ARHGAP10: variants seen among roughly 807,000 people sequenced by gnomAD.
ARHGAP10 encodes Rho GTPase activating protein 10.
Under a neutral mutation model 108.6 loss-of-function variants are expected in ARHGAP10, and 87 were observed. The observed-to-expected ratio is 0.80, with a 90% CI of 0.67 to 0.96. The LOEUF is 0.96. Ranked by LOEUF, ARHGAP10 falls within the 40% of genes least tolerant of loss-of-function variation. The pLI, the probability that ARHGAP10 is intolerant of heterozygous loss-of-function variation, is 0.00. For synonymous variants in ARHGAP10, 347 were observed against 341.1 expected (o/e 1.02, Z -0.19); for missense variants, 939 against 954.5 (o/e 0.98, Z 0.21).
intron 4 of ARHGAP10, among the ~76,000 whole-genome samples, chr4:147,850,559 A>G (rs979241947): frequency 6.6e-5 from 10 of 152,074 alleles, no homozygotes; most frequent in Non-Finnish European, 1.2e-4. Context: ...CTGCGGCTTC[A>G]CTCCTAAGTC....
chr4:147,738,168 T>C (rs1020950622), intron 1 of ARHGAP10, among the ~76,000 whole-genome samples: 2 of 152,176 alleles, frequency 1.3e-5, no homozygotes, highest in African/African-American at 4.8e-5. Flanking sequence ...CTAGCCTGGC[T>C]GGGTTCATAC....
intron 4 of ARHGAP10, among the ~76,000 whole-genome samples, chr4:147,850,919 A>G (rs1183918459): frequency 1.3e-5 from 2 of 152,242 alleles, no homozygotes; most frequent in Non-Finnish European, 2.9e-5. Context: ...TGAACAACTT[A>G]GGGGCCAAGT....
At position 147,732,300 on chromosome 4, in the gene ARHGAP10, T is replaced by A; in HGVS notation, c.-2T>A. The A allele has an allele frequency of 6.2e-7, 1 of 1,607,430 alleles. No individual in the cohort carries two copies. The highest frequency in any genetic ancestry group is 1.1e-5 in the South Asian group (1 of 90,512). The stretch of plus-strand genomic sequence containing the variant: ...GCGCACCGCGCAGCGACCGCTGCCG[T>A]CATGGGGCTGCAGCCCCTGGAGTTC... On this transcript the variant is annotated 5_prime_UTR_variant, in exon 1 of 23. Transcript: ENST00000336498.
chr4:148,008,903 C>T (rs758554915), intron 18 of ARHGAP10, among the ~76,000 whole-genome samples: 39 of 152,014 alleles, frequency 2.6e-4, no homozygotes, highest in Admixed American at 7.2e-4. Flanking sequence ...ACTGTTAAGT[C>T]GGACGTTAAA....
At chr4:148,028,565 GTAGTATTCTT>G (rs1727986865) in intron 19 of ARHGAP10, among the ~76,000 whole-genome samples, 1 of 152,198 alleles carries the variant, frequency 6.6e-6, no homozygotes, top group African/African-American at 2.4e-5. Flanking sequence ...CTGCTGTAGG[GTAGTATTCTT>G]AAAGCCAGGG....
chr4:147,964,616 C>G (rs764716347), intron 16 of ARHGAP10, among the ~76,000 whole-genome samples: 1 of 152,204 alleles, frequency 6.6e-6, no homozygotes, highest in Non-Finnish European at 1.5e-5. Flanking sequence ...CCTGTTCAAC[C>G]TGTAACATGC....
chr4:147,938,277 T>G (rs2126959530), intron 13 of ARHGAP10, among the ~76,000 whole-genome samples: 1 of 152,254 alleles, frequency 6.6e-6, no homozygotes, highest in Non-Finnish European at 1.5e-5. Context: ...GCTTAGTACC[T>G]GGGTGATGAA....
intron 13 of ARHGAP10, among the ~76,000 whole-genome samples, chr4:147,919,765 G>A (rs1737158334): frequency 6.6e-6 from 1 of 151,974 alleles, no homozygotes; most frequent in Non-Finnish European, 1.5e-5. Context: ...ATTTTTAGTA[G>A]AGGTGGTGTT....
intron 1 of ARHGAP10, among the ~76,000 whole-genome samples, chr4:147,807,691 T>G (rs1453722848): frequency 1.3e-5 from 2 of 152,222 alleles, no homozygotes; most frequent in Non-Finnish European, 2.9e-5. Flanking sequence ...AAATAAAGAC[T>G]GTATATCAAT....
intron 12 of ARHGAP10, among the ~76,000 whole-genome samples, chr4:147,912,588 T>G (rs370204680): frequency 0.012 from 750 of 60,554 alleles, 43 homozygotes; most frequent in Middle Eastern, 0.035. Flanking sequence ...TATATATATA[T>G]ATATATATAT....
chr4:147,770,910 C>T (rs978391958), intron 1 of ARHGAP10, among the ~76,000 whole-genome samples: 2 of 152,148 alleles, frequency 1.3e-5, no homozygotes, highest in African/African-American at 4.8e-5. Flanking sequence ...GGATTGGTTT[C>T]CTCTGAGGCA....
intron 7 of ARHGAP10, among the ~76,000 whole-genome samples, chr4:147,867,212 A>C (rs998008563): frequency 2.6e-5 from 4 of 152,122 alleles, no homozygotes; most frequent in Non-Finnish European, 5.9e-5. Context: ...TCTTCCCTAC[A>C]TTTTATGCAT....
chr4:147,903,351 T>C (rs989138632), intron 10 of ARHGAP10, among the ~76,000 whole-genome samples: 1 of 152,170 alleles, frequency 6.6e-6, no homozygotes, highest in African/African-American at 2.4e-5. Context: ...AAGAGGAAGA[T>C]AGAGATTTTC....
At chr4:147,776,411 G>C (rs1730292690) in intron 1 of ARHGAP10, among the ~76,000 whole-genome samples, 1 of 152,082 alleles carries the variant, frequency 6.6e-6, no homozygotes, top group South Asian at 2.1e-4. Flanking sequence ...GTAGAGATGT[G>C]GTTTTACCAT....
intron 4 of ARHGAP10, chr4:147,854,629 A>G: frequency 2.2e-6 from 2 of 889,646 alleles, no homozygotes; most frequent in Non-Finnish European, 2.7e-6. Context: ...TCCATTCTTT[A>G]TTGAATGCTA....
chr4:148,001,388 G>T (rs1442224638), intron 18 of ARHGAP10, among the ~76,000 whole-genome samples: 1 of 152,124 alleles, frequency 6.6e-6, no homozygotes, highest in Non-Finnish European at 1.5e-5. Context: ...GATTGTCTTG[G>T]CAATGCGGGC....
intron 18 of ARHGAP10, among the ~76,000 whole-genome samples, chr4:147,977,428 A>C (rs2149624089): frequency 6.6e-6 from 1 of 152,250 alleles, no homozygotes; most frequent in South Asian, 2.1e-4. Context: ...TTGTAAAATA[A>C]AGCTTTTAGA....
At chr4:147,802,394 A>C (rs1428841029) in intron 1 of ARHGAP10, among the ~76,000 whole-genome samples, 1 of 152,192 alleles carries the variant, frequency 6.6e-6, no homozygotes, top group Non-Finnish European at 1.5e-5. Flanking sequence ...GTTTTCTCTA[A>C]AGCATAATAT....
At chr4:147,881,407 G>A (rs1735322181) in intron 9 of ARHGAP10, among the ~76,000 whole-genome samples, 1 of 152,212 alleles carries the variant, frequency 6.6e-6, no homozygotes, top group Admixed American at 6.5e-5. Flanking sequence ...GGAGGCTGAG[G>A]CGGGTGGATC....
Sources: gnomAD v4.1 joint callset for allele counts (sites outside exome capture counted in the v4.1 genomes callset) on GRCh38, gnomAD v4.1.1 for gene constraint, MANE v1.5 for transcripts, NCBI Gene and HGNC (gene_info 2026-07-23, HGNC 2026-07-21) for gene names.